ATP13A4: variants seen among roughly 807,000 people sequenced by gnomAD.
ATP13A4 encodes the protein ATPase 13A4, also known as probable cation-transporting ATPase 13A4.
In ATP13A4, 114 loss-of-function variants were observed where a neutral mutation model predicts 142.5. That is an observed-to-expected ratio of 0.80 (90% CI 0.69 to 0.93). The LOEUF is 0.93. Ranked by LOEUF, ATP13A4 falls within the 40% of genes least tolerant of loss-of-function variation. ATP13A4 has a pLI of 0.00. For missense variants in ATP13A4, 1,392 were observed against 1,454.0 expected, an observed-to-expected ratio of 0.96 and a Z score of 0.69; for synonymous variants, 488 against 514.8, an observed-to-expected ratio of 0.95 and a Z score of 0.70.
chr3:193,455,342 A>G (rs1034425593), intron 16 of ATP13A4, among the ~76,000 whole-genome samples: 1 of 31,656 alleles, frequency 3.2e-5, no homozygotes, highest in Non-Finnish European at 1.1e-4. Context: ...CTCCGTCTCA[A>G]AAAAAAAAAA....
chr3:193,427,600 C>T (rs1265385723), intron 25 of ATP13A4, among the ~76,000 whole-genome samples: 2 of 151,840 alleles, frequency 1.3e-5, no homozygotes, highest in Non-Finnish European at 2.9e-5. Flanking sequence ...AGATATAGAC[C>T]AATGGAACAG....
rs567829673 is a variant in ATP13A4, at chr3:193,409,447, C to T, written c.3297+1535G>A. On this transcript the variant is annotated intron_variant, in intron 28 of 29. Coordinates refer to ENST00000342695, the MANE Select transcript of ATP13A4 (RefSeq NM_032279.4). Reference sequence around the variant, plus strand: ...GCAATGACCCTACCCAGGTTCTCTCCAAATTAAATATGTTCCCTATTTTGT... The same window carrying T: ...GCAATGACCCTACCCAGGTTCTCTCTAAATTAAATATGTTCCCTATTTTGT... Among the ~76,000 whole-genome samples the T allele has an allele frequency of 1.7e-4, 26 of 152,248 alleles. No homozygotes were observed. The South Asian group carries it at 5.2e-3, about 30-fold the overall frequency.
chr3:193,495,866 G>T (rs944378500), intron 3 of ATP13A4, among the ~76,000 whole-genome samples: 10 of 152,046 alleles, frequency 6.6e-5, no homozygotes, highest in Admixed American at 6.6e-5. Flanking sequence ...AACAAATTCA[G>T]TAGAGTTACA....
upstream of ATP13A4, among the ~76,000 whole-genome samples, chr3:193,559,225 C>A (rs917530273): frequency 6.6e-6 from 1 of 152,136 alleles, no homozygotes; most frequent in African/African-American, 2.4e-5. Flanking sequence ...AGTATCATTG[C>A]TCCCATTTGA....
chr3:193,518,482 A>G (rs1291567953), intron 1 of ATP13A4, among the ~76,000 whole-genome samples: 1 of 152,230 alleles, frequency 6.6e-6, no homozygotes, highest in Non-Finnish European at 1.5e-5. Flanking sequence ...TGAACACATG[A>G]TTTAGTACAG....
In ATP13A4 at chr3:193,422,050, A is replaced by T. The variant is rs1350981212; in HGVS notation, c.2843-7300T>A. ...CTCATCTACATAATGCCTATAAAAG[A>T]CTCACTTTATCCTTAGAGACACAAA... On this transcript the variant is annotated intron_variant, in intron 25 of 29. Coordinates refer to ENST00000342695, the MANE Select transcript of ATP13A4 (RefSeq NM_032279.4). Among the ~76,000 whole-genome samples, 2 of 149,662 alleles carry T rather than the reference A, an allele frequency of 1.3e-5. 1 individual carries two copies. Among genetic ancestry groups the T allele is most frequent in the Non-Finnish European group, 3.0e-5 (2 of 67,574 alleles).
At chr3:193,473,649 T>G (rs1718748307) in intron 8 of ATP13A4, among the ~76,000 whole-genome samples, 1 of 152,172 alleles carries the variant, frequency 6.6e-6, no homozygotes. Flanking sequence ...ACATCACCAG[T>G]AATAGGACAA....
chr3:193,498,126 T>C (rs1057427468), intron 3 of ATP13A4, among the ~76,000 whole-genome samples: 1 of 152,118 alleles, frequency 6.6e-6, no homozygotes, highest in African/African-American at 2.4e-5. Flanking sequence ...TATGCAAATA[T>C]ACGAATTTGA....
At chr3:193,520,497 G>A (rs1217451039) in intron 1 of ATP13A4, among the ~76,000 whole-genome samples, 1 of 152,098 alleles carries the variant, frequency 6.6e-6, no homozygotes, top group East Asian at 1.9e-4. Context: ...TCCAAGAGTT[G>A]AAAAGATGCT....
intron 2 of ATP13A4, among the ~76,000 whole-genome samples, chr3:193,576,247 A>ATTTTT (rs1560288260): frequency 1.9e-5 from 2 of 107,330 alleles, no homozygotes; most frequent in Non-Finnish European, 4.0e-5. Flanking sequence ...GCTTGAATCA[A>ATTTTT]TCTTTTTTTT....
chr3:193,448,160 T>G (rs779029954), intron 18 of ATP13A4, 46 bp downstream of exon 18: 4 of 1,609,020 alleles, frequency 2.5e-6, no homozygotes, highest in Non-Finnish European at 3.4e-6. Context: ...CATGTCTATT[T>G]CCACATCAAA....
chr3:193,573,506 G>A (rs1219524555), intron 2 of ATP13A4, among the ~76,000 whole-genome samples: 15 of 151,572 alleles, frequency 9.9e-5, no homozygotes, highest in South Asian at 2.1e-4. Context: ...TCTTCTCACT[G>A]CCGCTGCAAC....
chr3:193,476,148 A>T (rs746330424), intron 8 of ATP13A4, among the ~76,000 whole-genome samples: 13 of 152,050 alleles, frequency 8.5e-5, no homozygotes, highest in Non-Finnish European at 1.9e-4. Flanking sequence ...TTAAAAAGTT[A>T]TTTCCTAAGT....
At chr3:193,467,211 G>A (rs966319330) in intron 10 of ATP13A4, 105 bp downstream of exon 10, 1 of 1,170,314 alleles carries the variant, frequency 8.5e-7, no homozygotes, top group Admixed American at 2.5e-5. Flanking sequence ...AAAAAAATAT[G>A]ATTATAAAGA....
At position 193,484,017 on chromosome 3, in the gene ATP13A4, G is replaced by T. The variant is rs974173832; in HGVS notation, c.739-12C>A. 6.9e-6 allele frequency: 11 copies of T among 1,589,174 alleles called. No homozygotes were observed. Among genetic ancestry groups the T allele is most frequent in the Non-Finnish European group, 8.6e-6 (10 of 1,157,648 alleles). On this transcript the variant is annotated splice_polypyrimidine_tract_variant and intron_variant, in intron 7 of 29. Coordinates refer to ENST00000342695, the MANE Select transcript of ATP13A4 (RefSeq NM_032279.4). The stretch of plus-strand genomic sequence containing the variant: ...AGTTTTACAGATTGCTGAAAAAGAA[G>T]GAAAAATGGAAAAGTCTTATCTATT...
intron 1 of ATP13A4, among the ~76,000 whole-genome samples, chr3:193,549,936 G>T (rs556349756): frequency 6.6e-6 from 1 of 152,068 alleles, no homozygotes; most frequent in South Asian, 2.1e-4. Flanking sequence ...GCAAACAAAC[G>T]GATGATATCC....
intron 2 of ATP13A4, among the ~76,000 whole-genome samples, chr3:193,570,296 G>A (rs377574183): frequency 6.6e-6 from 1 of 152,288 alleles, no homozygotes; most frequent in African/African-American, 2.4e-5. Context: ...ACTCAAGCCT[G>A]GGCAATAGAT....
intron 7 of ATP13A4, among the ~76,000 whole-genome samples, chr3:193,488,839 G>A (rs147467561): frequency 1.3e-5 from 2 of 152,266 alleles, no homozygotes; most frequent in Non-Finnish European, 2.9e-5. Context: ...AAAAGTTGAT[G>A]GGAAGGCTCT....
chr3:193,434,045 G>C, intron 24 of ATP13A4, 128 bp from the exon 25 acceptor site: 1 of 805,162 alleles, frequency 1.2e-6, no homozygotes, highest in African/African-American at 1.7e-5. Context: ...TGCTGTGTTC[G>C]GGGCCTGGTT....
Sources: allele counts gnomAD v4.1 joint callset (sites outside exome capture counted in the v4.1 genomes callset), GRCh38; gene constraint gnomAD v4.1.1; transcripts MANE v1.5; gene names NCBI Gene and HGNC (gene_info 2026-07-23, HGNC 2026-07-21).